Variants in MKLN1 observed in about 807,000 individuals in gnomAD.
MKLN1 encodes muskelin 1.
MKLN1 carries 18 observed loss-of-function variants against 99.0 expected under a neutral mutation model. The ratio of observed to expected loss-of-function variants is 0.18; its 90% CI spans 0.13 to 0.27. The LOEUF (loss-of-function observed/expected upper bound fraction) is 0.27. MKLN1 is among the 10% of genes least tolerant of loss of function. The probability of loss-of-function intolerance (pLI) is 1.00; values close to 1 mark genes in which losing one functional copy is unlikely to be tolerated. For synonymous variants in MKLN1, 288 were observed against 293.2 expected, an observed-to-expected ratio of 0.98 and a Z score of 0.18; for missense variants, 621 against 875.9, an observed-to-expected ratio of 0.71 and a Z score of 3.67.
chr7:131,403,840 A>G (rs1794622853), intron 6 of MKLN1, among the ~76,000 whole-genome samples: 1 of 152,158 alleles, frequency 6.6e-6, no homozygotes, highest in Admixed American at 6.5e-5. Flanking sequence ...AGTAATGAAA[A>G]AGGTTGAAAC....
intron 12 of MKLN1, 84 bp downstream of exon 12, chr7:131,445,987 A>T: frequency 1.1e-6 from 1 of 902,106 alleles, no homozygotes; most frequent in Non-Finnish European, 1.6e-6. Context: ...CTTTCTAATC[A>T]TTTTTCACCC....
intron 17 of MKLN1, among the ~76,000 whole-genome samples, chr7:131,481,813 C>CAA (rs35675974): frequency 2.7e-5 from 3 of 109,226 alleles, no homozygotes; most frequent in Admixed American, 9.9e-5. Context: ...CTAAGGTCTG[C>CAA]AAAAAAAAAA....
At chr7:131,165,285 A>T (rs932935451) in intron 2 of MKLN1, among the ~76,000 whole-genome samples, 3 of 152,158 alleles carry the variant, frequency 2.0e-5, no homozygotes, top group Non-Finnish European at 2.9e-5. Flanking sequence ...TCCCAGGTTC[A>T]AGCGATTTTC....
intron 3 of MKLN1, among the ~76,000 whole-genome samples, chr7:131,258,357 AG>A (rs1477448926): frequency 6.6e-6 from 1 of 152,160 alleles, no homozygotes; most frequent in Non-Finnish European, 1.5e-5. Context: ...CTGTTGCTGG[AG>A]GAAGATTCTG....
intron 6 of MKLN1, among the ~76,000 whole-genome samples, chr7:131,408,536 G>A (rs1188675001): frequency 6.6e-6 from 1 of 152,042 alleles, no homozygotes; most frequent in Non-Finnish European, 1.5e-5. Flanking sequence ...TTTTGGTTTT[G>A]TTTTCTTTTT....
chr7:131,478,711 G>A (rs768164690), intron 17 of MKLN1, 34 bp downstream of exon 17: 1 of 1,603,772 alleles, frequency 6.2e-7, no homozygotes, highest in Non-Finnish European at 8.5e-7. Context: ...CCAGCTAGAT[G>A]CCCTAGCATT....
At chr7:131,227,523 T>TTCTTTCTTTCTTTCTTTCTTTCTC (rs1305816787) in intron 3 of MKLN1, among the ~76,000 whole-genome samples, 1 of 148,988 alleles carries the variant, frequency 6.7e-6, no homozygotes. Context: ...CTTTCTTTCT[T>TTCTTTCTTTCTTTCTTTCTTTCTC]TCTTTCTTTC....
chr7:131,142,232 CCT>C (rs1795745033), intron 1 of MKLN1, among the ~76,000 whole-genome samples: 1 of 152,024 alleles, frequency 6.6e-6, no homozygotes, highest in East Asian at 1.9e-4. Context: ...ATGGCAAAAC[CCT>C]GTCTCTACTA....
intron 2 of MKLN1, among the ~76,000 whole-genome samples, chr7:131,157,230 A>T (rs1795983259): frequency 1.3e-5 from 2 of 152,100 alleles, no homozygotes; most frequent in Non-Finnish European, 2.9e-5. Context: ...AAATACAAAA[A>T]ATAAAATAAA....
intron 3 of MKLN1, among the ~76,000 whole-genome samples, chr7:131,248,678 C>G (rs1282102333): frequency 6.6e-6 from 1 of 152,138 alleles, no homozygotes; most frequent in Admixed American, 6.5e-5. Context: ...TTTCTCATCT[C>G]GTCCAGGTTC....
At chr7:131,325,224 GAGAA>G (rs1768307044), upstream of MKLN1, among the ~76,000 whole-genome samples, 2 of 152,158 alleles carry the variant, frequency 1.3e-5, no homozygotes, top group South Asian at 4.1e-4. Context: ...ATCATTTAGA[GAGAA>G]AGAAAGGGGA....
chr7:131,397,919 T>C (rs904501955), intron 5 of MKLN1, among the ~76,000 whole-genome samples: 1 of 152,200 alleles, frequency 6.6e-6, no homozygotes, highest in Admixed American at 6.5e-5. Context: ...ATGGTAGTTA[T>C]GATAAGTCTT....
chr7:131,400,518 A>AATATATATATATATATAT (rs56156009), intron 6 of MKLN1, among the ~76,000 whole-genome samples: 3 of 137,432 alleles, frequency 2.2e-5, no homozygotes, highest in African/African-American at 5.6e-5. Flanking sequence ...ATAAAAAAAA[A>AATATATATATATATATAT]ATATATATAT....
intron 1 of MKLN1, among the ~76,000 whole-genome samples, chr7:131,115,907 A>T (rs6467347): frequency 2.6e-5 from 4 of 151,914 alleles, no homozygotes; most frequent in South Asian, 2.1e-4. Flanking sequence ...TATTTTTTTC[A>T]TAGTAATGGA....
At chr7:131,170,545 A>C (rs1796200364) in intron 2 of MKLN1, among the ~76,000 whole-genome samples, 1 of 152,214 alleles carries the variant, frequency 6.6e-6, no homozygotes, top group South Asian at 2.1e-4. Flanking sequence ...TGAAATTTTA[A>C]AAGTCTGAAA....
At position 131,348,056 on chromosome 7, in the gene MKLN1, GGA is replaced by G. The variant is rs984774463; in HGVS notation, c.98+20063_98+20064del. Among the ~76,000 whole-genome samples, 20 of 152,242 alleles carry G rather than the reference GGA, an allele frequency of 1.3e-4. No homozygotes were observed. The South Asian group carries it at 3.9e-3, about 30-fold the overall frequency. On this transcript the variant is annotated intron_variant, in intron 1 of 17. Transcript: ENST00000352689. ...TGTGAGTTGTCTGACAGTTGAGTGA[GGA>G]GAGTTATTACCTGTAATAAACTTGA...
At chr7:131,160,314 C>T (rs1796027749) in intron 2 of MKLN1, among the ~76,000 whole-genome samples, 1 of 151,978 alleles carries the variant, frequency 6.6e-6, no homozygotes, top group Non-Finnish European at 1.5e-5. Context: ...ATCCATTCAT[C>T]AGCTCTTGGG....
intron 3 of MKLN1, among the ~76,000 whole-genome samples, chr7:131,313,255 G>A (rs972675851): frequency 1.2e-4 from 18 of 152,130 alleles, no homozygotes; most frequent in Non-Finnish European, 2.2e-4. Context: ...TTATGAGCAC[G>A]TTTTCTATAA....
At chr7:131,311,442 AT>A (rs911862805) in intron 3 of MKLN1, among the ~76,000 whole-genome samples, 6 of 152,184 alleles carry the variant, frequency 3.9e-5, no homozygotes, top group African/African-American at 1.4e-4. Context: ...AATTTTAGGA[AT>A]CTCATACAAA....
Sources: gnomAD v4.1 joint callset for allele counts (sites outside exome capture counted in the v4.1 genomes callset) on GRCh38, gnomAD v4.1.1 for gene constraint, MANE v1.5 for transcripts, NCBI Gene and HGNC (gene_info 2026-07-23, HGNC 2026-07-21) for gene names.